COL4A1: variants seen among roughly 807,000 people sequenced by gnomAD.
COL4A1 encodes collagen type IV alpha 1 chain, also known as collagen alpha-1(IV) chain.
A neutral mutation model predicts 216.6 loss-of-function variants in COL4A1; 40 were observed. The observed-to-expected ratio is 0.18, with a 90% confidence interval of 0.14 to 0.24. COL4A1 has a LOEUF of 0.24. COL4A1 is among the 10% of genes least tolerant of loss of function. The probability of loss-of-function intolerance (pLI) is 1.00; values close to 1 mark genes in which losing one functional copy is unlikely to be tolerated. For synonymous variants in COL4A1, 839 were observed against 810.7 expected (o/e 1.03, Z -0.59); for missense variants, 1,628 against 2,196.8 (o/e 0.74, Z 5.18).
chr13:110,275,771 T>G (rs1381028190), intron 1 of COL4A1, among the ~76,000 whole-genome samples: 4 of 152,136 alleles, frequency 2.6e-5, no homozygotes, highest in Non-Finnish European at 5.9e-5. Flanking sequence ...AAATGCATAT[T>G]ACTAAGGGAA....
At chr13:110,161,537 A>C (rs1410101079) in intron 48 of COL4A1, among the ~76,000 whole-genome samples, 168 bp from the exon 49 acceptor site, 1 of 152,280 alleles carries the variant, frequency 6.6e-6, no homozygotes, top group Admixed American at 6.5e-5. Context: ...AAGGAAACAA[A>C]ACCAGTTTAC....
chr13:110,192,159 C>T, intron 24 of COL4A1, 55 bp downstream of exon 24: 4 of 1,561,826 alleles, frequency 2.6e-6, no homozygotes, highest in Non-Finnish European at 3.5e-6. Context: ...CAACTCTGTC[C>T]ACGTGCTTGG....
intron 23 of COL4A1, 108 bp downstream of exon 23, chr13:110,192,722 T>A: frequency 3.5e-6 from 3 of 867,036 alleles, no homozygotes; most frequent in Non-Finnish European, 1.9e-6. Flanking sequence ...TGCTTTAGGA[T>A]TGGCTGCCGA....
intron 1 of COL4A1, among the ~76,000 whole-genome samples, chr13:110,288,467 T>C (rs931962910): frequency 1.2e-4 from 18 of 152,146 alleles, no homozygotes; most frequent in African/African-American, 4.3e-4. Flanking sequence ...AAAATGTCTA[T>C]TTTAAGGATT....
chr13:110,234,861 G>C (rs1162178940), intron 2 of COL4A1, among the ~76,000 whole-genome samples: 1 of 152,126 alleles, frequency 6.6e-6, no homozygotes, highest in Non-Finnish European at 1.5e-5. Flanking sequence ...AGACACTATT[G>C]TCTCTCAGGA....
chr13:110,188,977 G>A (rs1434884306), intron 24 of COL4A1, among the ~76,000 whole-genome samples: 2 of 145,260 alleles, frequency 1.4e-5, no homozygotes, highest in African/African-American at 4.9e-5. Context: ...ATATGACTTG[G>A]AAAGTTAAAT....
intron 1 of COL4A1, among the ~76,000 whole-genome samples, chr13:110,274,389 G>A (rs1263792523): frequency 6.6e-6 from 1 of 152,162 alleles, no homozygotes; most frequent in Non-Finnish European, 1.5e-5. Flanking sequence ...TCTGATGCAC[G>A]TATAATTCAA....
intron 37 of COL4A1, 78 bp downstream of exon 37, chr13:110,175,140 A>C (rs1046710534): frequency 6.4e-7 from 1 of 1,564,266 alleles, no homozygotes; most frequent in African/African-American, 1.3e-5. Flanking sequence ...GTGTGCTGAG[A>C]TATTTGCTGA....
intron 2 of COL4A1, among the ~76,000 whole-genome samples, chr13:110,219,868 G>GTATATA (rs1277407047): frequency 0.077 from 7,743 of 100,882 alleles, 536 homozygotes; most frequent in East Asian, 0.23. Flanking sequence ...ATATATGTGT[G>GTATATA]TGTATATATG....
chr13:110,187,010 G>C, intron 25 of COL4A1, 128 bp downstream of exon 25: 1 of 1,262,964 alleles, frequency 7.9e-7, no homozygotes, highest in East Asian at 2.3e-5. Context: ...CATGAATCAT[G>C]AAACAAGTTC....
At position 110,174,541 on chromosome 13, in the gene COL4A1, A is replaced by G. The variant is rs1877789542; in HGVS notation, c.3326-15T>C. On this transcript the variant is annotated splice_polypyrimidine_tract_variant and intron_variant, in intron 38 of 51. Coordinates refer to ENST00000375820, the MANE Select transcript of COL4A1 (RefSeq NM_001845.6). ...CCCAGGACTTCCTAAAGAAAAAAAC[A>G]AAACACCAGAACATCCATAAGTTTG... The G allele has an allele frequency of 2.5e-6, 4 of 1,613,978 alleles. No homozygotes were observed. The highest frequency in any genetic ancestry group is 2.5e-6 in the Non-Finnish European group (3 of 1,179,874).
At chr13:110,169,414 G>C (rs1253454477) in intron 43 of COL4A1, among the ~76,000 whole-genome samples, 1 of 151,590 alleles carries the variant, frequency 6.6e-6, no homozygotes, top group Non-Finnish European at 1.5e-5. Flanking sequence ...TGTTACAATA[G>C]TTTCCTACTC....
intron 4 of COL4A1, among the ~76,000 whole-genome samples, chr13:110,213,560 A>G (rs1391783550): frequency 6.6e-6 from 1 of 152,184 alleles, no homozygotes; most frequent in Non-Finnish European, 1.5e-5. Context: ...ACCAAGGACT[A>G]AGGAGCTCAG....
chr13:110,150,596 T>C (rs1876457403), intron 51 of COL4A1, 152 bp from the exon 52 acceptor site: 2 of 762,962 alleles, frequency 2.6e-6, no homozygotes, highest in Non-Finnish European at 4.5e-6. Flanking sequence ...AGGCAGGTGC[T>C]GGGTGCAGTG....
At chr13:110,152,617 T>C in intron 50 of COL4A1, 111 bp from the exon 51 acceptor site, 1 of 1,238,528 alleles carries the variant, frequency 8.1e-7, no homozygotes. Flanking sequence ...AGCCACACAC[T>C]GCAGCCTCAT....
At position 110,149,776 on chromosome 13, in the gene COL4A1, G is replaced by T. The variant is rs13260; in HGVS notation, c.*587C>A. ...ACCATCTTTATTCCACAGGAAAATT[G>T]TGATTTCTGCAAAAGCAGCTGCAAA... is the stretch of plus-strand genomic sequence containing the variant. On this transcript the variant is annotated 3_prime_UTR_variant, in exon 52 of 52. Transcript: ENST00000375820. The T allele has an allele frequency of 0.14, 21,107 of 152,930 alleles. 1,903 individuals are homozygous for T. Among genetic ancestry groups the T allele is most frequent in the African/African-American group, 0.24 (9,784 of 41,426 alleles). 9.5% of individuals were successfully genotyped at this position (152,930 alleles called of 1,614,324 possible).
chr13:110,179,843 T>C (rs1594553849), intron 29 of COL4A1, among the ~76,000 whole-genome samples: 1 of 152,232 alleles, frequency 6.6e-6, no homozygotes, highest in African/African-American at 2.4e-5. Context: ...AGGGCTAGCA[T>C]GGACACCAGT....
At position 110,213,910 on chromosome 13, in the gene COL4A1, C is replaced by T. The variant is rs1879942847; in HGVS notation, c.234+16G>A. The T allele has an allele frequency of 8.1e-6, 13 of 1,613,946 alleles. No homozygotes were observed. The highest frequency in any genetic ancestry group is 8.5e-6 in the Non-Finnish European group (10 of 1,179,922). The stretch of plus-strand genomic sequence containing the variant: ...ATCTTACATCCACCCACCCCCAATC[C>T]CACAGCCGTGCTTACCTTTTGTCCT... On this transcript the variant is annotated intron_variant, in intron 3 of 51. Coordinates refer to ENST00000375820, the MANE Select transcript of COL4A1 (RefSeq NM_001845.6).
At chr13:110,168,298 A>T (rs529587524) in intron 43 of COL4A1, among the ~76,000 whole-genome samples, 1 of 152,366 alleles carries the variant, frequency 6.6e-6, no homozygotes, top group Non-Finnish European at 1.5e-5. Flanking sequence ...TACAGGCGTG[A>T]GCTACCAGGC....
Sources: gnomAD v4.1 joint callset for allele counts (sites outside exome capture counted in the v4.1 genomes callset) on GRCh38, gnomAD v4.1.1 for gene constraint, MANE v1.5 for transcripts, NCBI Gene and HGNC (gene_info 2026-07-23, HGNC 2026-07-21) for gene names.